The following PHF14 variants were observed in gnomAD, a reference collection of about 807,000 sequenced individuals.
The protein encoded by PHF14 is PHD finger protein 14.
PHF14 carries 55 observed loss-of-function variants against 117.9 expected under a neutral mutation model. The observed-to-expected ratio is 0.47, with a 90% CI of 0.38 to 0.58. PHF14 has a LOEUF of 0.58. Among genes scored for constraint, PHF14 ranks in the 20% least tolerant of loss-of-function variants. PHF14 has a pLI of 0.00. For missense variants in PHF14, 978 were observed against 1,122.2 expected (o/e 0.87, Z 1.84); for synonymous variants, 409 against 368.6 (o/e 1.11, Z -1.26).
At chr7:10,994,762 G>A (rs1261248771) in intron 4 of PHF14, among the ~76,000 whole-genome samples, 3 of 152,038 alleles carry the variant, frequency 2.0e-5, no homozygotes, top group African/African-American at 4.8e-5. Flanking sequence ...TGGTGGGTTC[G>A]TGGTCTCGCT....
At chr7:11,012,797 T>C (rs1783398308) in intron 4 of PHF14, among the ~76,000 whole-genome samples, 1 of 152,210 alleles carries the variant, frequency 6.6e-6, no homozygotes, top group Admixed American at 6.5e-5. Context: ...ATTTCAGTTA[T>C]AGACAAATTT....
At chr7:11,072,369 A>G (rs1170466949) in intron 16 of PHF14, among the ~76,000 whole-genome samples, 4 of 152,222 alleles carry the variant, frequency 2.6e-5, no homozygotes, top group African/African-American at 4.8e-5. Flanking sequence ...GTCACCTCCC[A>G]TCAGGTCCCA....
intron 16 of PHF14, chr7:11,110,365 T>A (rs1035946238): frequency 1.3e-5 from 2 of 154,626 alleles, no homozygotes; most frequent in Admixed American, 1.3e-4. Context: ...AGTATTATTG[T>A]TTAATTTTTT....
At chr7:11,064,467 C>T (rs1427990309) in intron 16 of PHF14, among the ~76,000 whole-genome samples, 1 of 151,818 alleles carries the variant, frequency 6.6e-6, no homozygotes, top group Non-Finnish European at 1.5e-5. Flanking sequence ...GTTAGGTTCT[C>T]TTTTAAAATT....
At chr7:10,990,369 G>A (rs773267440) in intron 3 of PHF14, among the ~76,000 whole-genome samples, 9 of 152,016 alleles carry the variant, frequency 5.9e-5, no homozygotes, top group Admixed American at 6.6e-5. Flanking sequence ...TTCATTTTTC[G>A]TTTTTCCTAG....
chr7:11,127,814 A>G (rs1400330988), intron 17 of PHF14, among the ~76,000 whole-genome samples: 2 of 152,112 alleles, frequency 1.3e-5, no homozygotes, highest in Admixed American at 1.3e-4. Flanking sequence ...AGCTTAGACC[A>G]TTTACGAGAG....
At chr7:11,068,937 T>C (rs188952869) in intron 16 of PHF14, among the ~76,000 whole-genome samples, 4 of 152,212 alleles carry the variant, frequency 2.6e-5, no homozygotes, top group Non-Finnish European at 5.9e-5. Flanking sequence ...ATCTTGCATG[T>C]CTTTTATTAC....
chr7:11,135,502 C>T (rs1788193916), intron 17 of PHF14, among the ~76,000 whole-genome samples: 1 of 152,080 alleles, frequency 6.6e-6, no homozygotes, highest in Non-Finnish European at 1.5e-5. Context: ...TATTTTGATA[C>T]TATGCTGGCT....
At chr7:11,047,778 T>G (rs1784720619) in intron 13 of PHF14, among the ~76,000 whole-genome samples, 1 of 137,504 alleles carries the variant, frequency 7.3e-6, no homozygotes, top group African/African-American at 2.9e-5. Flanking sequence ...AGAGTGAGAC[T>G]CTGTCTCACA....
At chr7:11,071,137 TA>T in intron 16 of PHF14, 1 of 359,494 alleles carries the variant, frequency 2.8e-6, no homozygotes, top group South Asian at 2.7e-5. Flanking sequence ...GCCAGCTTTG[TA>T]ATTTTAAGCA....
At chr7:11,063,646 A>T in intron 16 of PHF14, 1 of 973,128 alleles carries the variant, frequency 1.0e-6, no homozygotes, top group Non-Finnish European at 1.2e-6. Flanking sequence ...TGTAGGACTT[A>T]GAGGTTTTTA....
At chr7:11,015,392 T>C (rs144202875) in intron 5 of PHF14, among the ~76,000 whole-genome samples, 90 of 152,266 alleles carry the variant, frequency 5.9e-4, no homozygotes, top group Middle Eastern at 3.4e-3. Context: ...TTCTTCCTTA[T>C]TGTCTATCCA....
chr7:10,998,100 A>G (rs940343215), intron 4 of PHF14, among the ~76,000 whole-genome samples: 1 of 152,160 alleles, frequency 6.6e-6, no homozygotes, highest in African/African-American at 2.4e-5. Context: ...AGAAGGGGGA[A>G]CAATTGCTGG....
chr7:10,996,119 G>A (rs1025652809), intron 4 of PHF14, among the ~76,000 whole-genome samples: 3 of 152,228 alleles, frequency 2.0e-5, no homozygotes, highest in Non-Finnish European at 2.9e-5. Flanking sequence ...CCATAACATG[G>A]CTTTTCAGCA....
chr7:11,017,954 G>C (rs1457587123), intron 5 of PHF14, among the ~76,000 whole-genome samples: 1 of 152,062 alleles, frequency 6.6e-6, no homozygotes, highest in South Asian at 2.1e-4. Context: ...GCAAGAGATG[G>C]CGTCTAGTTT....
At chr7:11,108,930 T>C (rs747024875) in intron 16 of PHF14, 5 of 151,754 alleles carry the variant, frequency 3.3e-5, no homozygotes, top group African/African-American at 1.2e-4. Context: ...AAAGTAAATA[T>C]GCAGTAATTA....
chr7:11,104,430 T>C (rs1787189721), intron 16 of PHF14: 1 of 957,728 alleles, frequency 1.0e-6, no homozygotes, highest in African/African-American at 1.8e-5. Flanking sequence ...ATAAAATTAT[T>C]CCGTGTCCAT....
chr7:11,108,521 AC>A (rs1269754386), intron 16 of PHF14: 4 of 151,804 alleles, frequency 2.6e-5, no homozygotes, highest in African/African-American at 9.7e-5. Flanking sequence ...GGAATGCATC[AC>A]AAATACATGA....
Position 11,047,041 on chromosome 7 carries a change from A to G in PHF14, c.2312+4227A>G, listed in dbSNP as rs142703380. ...TCCTTTTTTTTTTTAACTTACACGA[A>G]TAAAATTCTCTAAATTAGTCCACTT... On this transcript the variant is annotated intron_variant, in intron 13 of 17. Transcript: ENST00000634607. Among the ~76,000 whole-genome samples, 925 of 152,048 alleles carry G rather than the reference A, an allele frequency of 6.1e-3. 4 individuals are homozygous for G. The highest frequency in any genetic ancestry group is 9.0e-3 in the Non-Finnish European group (610 of 67,956).
Sources: allele counts gnomAD v4.1 joint callset (sites outside exome capture counted in the v4.1 genomes callset), GRCh38; gene constraint gnomAD v4.1.1; transcripts MANE v1.5; gene names NCBI Gene and HGNC (gene_info 2026-07-23, HGNC 2026-07-21).